ZNF804B: variants seen among roughly 807,000 people sequenced by gnomAD.
ZNF804B encodes zinc finger 804B.
Under a neutral mutation model 101.4 loss-of-function variants are expected in ZNF804B, and 80 were observed. That is an observed-to-expected ratio of 0.79 (90% CI 0.66 to 0.95). The LOEUF is 0.95. Ranked by LOEUF, ZNF804B falls within the 40% of genes least tolerant of loss-of-function variation. ZNF804B has a pLI of 0.00. For missense variants in ZNF804B, 1,673 were observed against 1,561.9 expected (o/e 1.07, Z -1.20); for synonymous variants, 622 against 558.8 (o/e 1.11, Z -1.59).
chr7:89,139,021 G>A (rs202166063), intron 1 of ZNF804B, among the ~76,000 whole-genome samples: 4 of 151,998 alleles, frequency 2.6e-5, no homozygotes, highest in Admixed American at 6.6e-5. Flanking sequence ...GCACGTGCAC[G>A]CATGTGTGTG....
chr7:88,841,098 C>G (rs992074821), intron 1 of ZNF804B, among the ~76,000 whole-genome samples: 7 of 152,182 alleles, frequency 4.6e-5, no homozygotes, highest in African/African-American at 1.4e-4. Flanking sequence ...TGTTAACATT[C>G]CTTGTATAGC....
intron 1 of ZNF804B, among the ~76,000 whole-genome samples, chr7:88,938,328 C>T (rs943721538): frequency 1.3e-5 from 2 of 151,958 alleles, no homozygotes; most frequent in African/African-American, 4.8e-5. Flanking sequence ...TAGTTAATCT[C>T]TTTAGGATTG....
intron 1 of ZNF804B, among the ~76,000 whole-genome samples, chr7:88,908,431 T>C (rs192846753): frequency 5.2e-4 from 79 of 151,900 alleles, no homozygotes; most frequent in Non-Finnish European, 9.3e-4. Flanking sequence ...CACAGATGAC[T>C]AAAACAATAA....
rs369354595 is a variant in ZNF804B, at chr7:88,819,535, A to C, written c.108+59451A>C. 3.1e-4 allele frequency among the ~76,000 whole-genome samples: 47 copies of C among 152,088 alleles called. 2 individuals are homozygous for C. Among genetic ancestry groups the C allele is most frequent in the African/African-American group, 1.0e-3 (43 of 41,492 alleles). The stretch of plus-strand genomic sequence containing the variant: ...AGACACCTCATGATAGATCCCACCA[A>C]CTTCTTTCTGCCTGCTCTCTTGGAA... On this transcript the variant is annotated intron_variant, in intron 1 of 3. Transcript: ENST00000333190.
chr7:88,834,369 C>T (rs1445561819), intron 1 of ZNF804B, among the ~76,000 whole-genome samples: 2 of 151,782 alleles, frequency 1.3e-5, no homozygotes, highest in Admixed American at 6.6e-5. Flanking sequence ...AAGCTGATCA[C>T]ACATATTAAT....
At chr7:88,854,450 T>TCTTC (rs1562812697) in intron 1 of ZNF804B, among the ~76,000 whole-genome samples, 2 of 128,546 alleles carry the variant, frequency 1.6e-5, no homozygotes, top group African/African-American at 3.2e-5. Context: ...TTTCTTTCTT[T>TCTTC]CTTTCTTTCT....
intron 1 of ZNF804B, among the ~76,000 whole-genome samples, chr7:89,067,987 T>A (rs1789480481): frequency 6.6e-6 from 1 of 151,472 alleles, no homozygotes. Flanking sequence ...GCTATCTTTT[T>A]TTGAGAGTGT....
chr7:89,102,030 G>A (rs115969604), intron 1 of ZNF804B, among the ~76,000 whole-genome samples: 3,325 of 151,872 alleles, frequency 0.022, 148 homozygotes, highest in African/African-American at 0.076. Flanking sequence ...TTATAGCTGT[G>A]TAGTATTCCA....
chr7:89,285,683 G>A (rs1027290340), intron 2 of ZNF804B, among the ~76,000 whole-genome samples: 2 of 151,808 alleles, frequency 1.3e-5, no homozygotes, highest in African/African-American at 4.8e-5. Context: ...ACAATTATTA[G>A]TAAGAAAGAG....
At chr7:89,056,259 T>C (rs1228860133) in intron 1 of ZNF804B, among the ~76,000 whole-genome samples, 4 of 152,164 alleles carry the variant, frequency 2.6e-5, no homozygotes, top group Non-Finnish European at 5.9e-5. Context: ...AGGATAAATG[T>C]AGAGGTGGGC....
intron 1 of ZNF804B, among the ~76,000 whole-genome samples, chr7:88,974,103 G>A (rs1179704432): frequency 6.6e-6 from 1 of 151,162 alleles, no homozygotes; most frequent in Non-Finnish European, 1.5e-5. Context: ...GGATATATAG[G>A]GATTCCCGAA....
rs957091975 is a variant in ZNF804B at position 89,338,488 on chromosome 7, G to A, written c.*1456G>A. Among the ~76,000 whole-genome samples the A allele has an allele frequency of 6.6e-6, 1 of 152,002 alleles. No individual in the cohort carries two copies. The highest frequency in any genetic ancestry group is 1.5e-5 in the Non-Finnish European group (1 of 67,916). ...AAATACTTGGTAAACAGTAGGAAAG[G>A]ACATCGTTGATTCAGGAGAGACTGG... On this transcript the variant is annotated 3_prime_UTR_variant, in exon 4 of 4. Transcript: ENST00000333190.
In ZNF804B at chr7:89,047,971, C is replaced by T. The variant is rs150302411; in HGVS notation, c.109-170184C>T. ...CCTTTCTTTTCTTTTTATTAATTTC[C>T]ATAGGTTATTTGGGAACAGGTGGTG... On this transcript the variant is annotated intron_variant, in intron 1 of 3. Coordinates refer to ENST00000333190, the MANE Select transcript of ZNF804B (RefSeq NM_181646.5). Among the ~76,000 whole-genome samples the T allele has an allele frequency of 1.7e-4, 25 of 151,464 alleles. No individual in the cohort carries two copies. The East Asian group carries it at 3.5e-3, about 21-fold the overall frequency.
intron 1 of ZNF804B, among the ~76,000 whole-genome samples, chr7:88,995,730 GAA>G (rs1788184772): frequency 6.6e-6 from 1 of 151,998 alleles, no homozygotes; most frequent in East Asian, 1.9e-4. Context: ...TCACAGTAGA[GAA>G]ACCTGAAAAA....
At chr7:88,861,890 A>T (rs1791652365) in intron 1 of ZNF804B, among the ~76,000 whole-genome samples, 1 of 152,178 alleles carries the variant, frequency 6.6e-6, no homozygotes, top group Admixed American at 6.6e-5. Context: ...GATTAGAATT[A>T]TGGGAACAAG....
At chr7:88,971,584 T>G (rs1237547266) in intron 1 of ZNF804B, among the ~76,000 whole-genome samples, 2 of 151,608 alleles carry the variant, frequency 1.3e-5, no homozygotes, top group Non-Finnish European at 3.0e-5. Flanking sequence ...CTTCTGAAAT[T>G]ACAGTTCTGC....
At chr7:88,902,372 T>A (rs1369588867) in intron 1 of ZNF804B, among the ~76,000 whole-genome samples, 1 of 151,992 alleles carries the variant, frequency 6.6e-6, no homozygotes, top group East Asian at 1.9e-4. Flanking sequence ...TACTTCCATT[T>A]CTCGTTCTAG....
intron 1 of ZNF804B, among the ~76,000 whole-genome samples, chr7:89,058,948 C>T (rs1789335829): frequency 2.6e-5 from 1 of 38,642 alleles, no homozygotes; most frequent in South Asian, 1.5e-3. Context: ...CGAAGTTTGG[C>T]CTCCTAAAGT....
rs573613058 is a variant in ZNF804B at position 89,117,896 on chromosome 7, G to A, written c.109-100259G>A. 1.4e-4 allele frequency among the ~76,000 whole-genome samples: 22 copies of A among 152,164 alleles called. No individual in the cohort carries two copies. In the South Asian group the frequency reaches 4.4e-3, roughly 30 times the overall value. On this transcript the variant is annotated intron_variant, in intron 1 of 3. Coordinates refer to ENST00000333190, the MANE Select transcript of ZNF804B (RefSeq NM_181646.5). ...TGGTAACATTTTGTTAAGATTGATC[G>A]TGAATACTTAGTCTTTTTTTCAACT...
Sources: gnomAD v4.1 joint callset for allele counts (sites outside exome capture counted in the v4.1 genomes callset) on GRCh38, gnomAD v4.1.1 for gene constraint, MANE v1.5 for transcripts, NCBI Gene and HGNC (gene_info 2026-07-23, HGNC 2026-07-21) for gene names.